Variants in KRAS observed in about 807,000 individuals in gnomAD.
KRAS encodes the protein KRas proto-oncogene, GTPase.
In KRAS, 1 loss-of-function variant was observed where a neutral mutation model predicts 21.0. The observed-to-expected ratio is 0.05, with a 90% CI of 0.02 to 0.23. The LOEUF (loss-of-function observed/expected upper bound fraction) is 0.23. Among genes scored for constraint, KRAS ranks in the 10% least tolerant of loss-of-function variants. KRAS has a pLI of 1.00. For synonymous variants in KRAS, 67 were observed against 72.5 expected (o/e 0.92, Z 0.39); for missense variants, 107 against 221.8 (o/e 0.48, Z 3.29).
intron 2 of KRAS, among the ~76,000 whole-genome samples, chr12:25,240,260 T>C (rs916012171): frequency 5.3e-5 from 8 of 152,290 alleles, no homozygotes; most frequent in African/African-American, 1.9e-4. Flanking sequence ...TGTAATGCTC[T>C]TAAGTATAAA....
chr12:25,233,450 G>A (rs1417661495), intron 2 of KRAS, among the ~76,000 whole-genome samples: 2 of 152,102 alleles, frequency 1.3e-5, no homozygotes, highest in African/African-American at 4.8e-5. Context: ...GCTATTTGGG[G>A]AGCTCAGGTG....
intron 2 of KRAS, among the ~76,000 whole-genome samples, chr12:25,231,505 G>A (rs149950520): frequency 2.2e-4 from 33 of 152,192 alleles, no homozygotes; most frequent in African/African-American, 7.9e-4. Flanking sequence ...TGTAATGTGG[G>A]ATATTAGTAG....
intron 2 of KRAS, among the ~76,000 whole-genome samples, chr12:25,228,683 A>C (rs1951425236): frequency 6.6e-6 from 1 of 152,228 alleles, no homozygotes; most frequent in African/African-American, 2.4e-5. Flanking sequence ...TTCTCAAAAC[A>C]GATAGTGCTA....
Position 25,242,726 on chromosome 12 carries a change from T to C in KRAS, c.111+2548A>G, listed in dbSNP as rs555185615. ...GTATACTTACAAATCTGAATTAGTC[T>C]CCATTAGTAAATATTTTCTTAATTT... On this transcript the variant is annotated intron_variant, in intron 2 of 4. Coordinates refer to ENST00000311936, the MANE Select transcript of KRAS (RefSeq NM_004985.5). 3.5e-4 allele frequency among the ~76,000 whole-genome samples: 54 copies of C among 152,284 alleles called. No individual in the cohort carries two copies. In the South Asian group the frequency reaches 7.0e-3, roughly 20 times the overall value.
intron 2 of KRAS, among the ~76,000 whole-genome samples, chr12:25,243,988 T>C: frequency 6.6e-6 from 1 of 152,194 alleles, no homozygotes; most frequent in South Asian, 2.1e-4. Context: ...TCTTTGCAAA[T>C]AGGCATTATT....
chr12:25,221,901 A>C (rs1007506375), intron 4 of KRAS, among the ~76,000 whole-genome samples: 7 of 152,186 alleles, frequency 4.6e-5, no homozygotes, highest in African/African-American at 1.7e-4. Context: ...CTGTAATCCC[A>C]GCACTTTGGG....
chr12:25,238,406 A>C (rs1282781197), intron 2 of KRAS, among the ~76,000 whole-genome samples: 2 of 152,214 alleles, frequency 1.3e-5, no homozygotes, highest in African/African-American at 2.4e-5. Flanking sequence ...TTCATATTTT[A>C]TATTATATAC....
rs193150345 is a variant in KRAS at position 25,215,302 on chromosome 12, T to C, written c.451-5391A>G. On this transcript the variant is annotated intron_variant, in intron 4 of 4. Transcript: ENST00000311936. ...AGATTAAAAATAAATGTACTAATTATGGAAACAAGTTTCTTATCTTTTAAT... is the reference window on the plus strand; with the variant it reads ...AGATTAAAAATAAATGTACTAATTACGGAAACAAGTTTCTTATCTTTTAAT... The C allele has an allele frequency of 3.8e-4, 519 of 1,351,926 alleles. 1 individual carries two copies. The African/African-American group carries it at 5.9e-3, about 15-fold the overall frequency. 83.7% of individuals were successfully genotyped at this position (1,351,926 alleles called of 1,614,324 possible).
At chr12:25,234,548 T>C (rs776807479) in intron 2 of KRAS, 14 of 185,978 alleles carry the variant, frequency 7.5e-5, no homozygotes, top group South Asian at 3.9e-4. Flanking sequence ...AATAATGTTA[T>C]ATAGGTTTTT....
intron 4 of KRAS, among the ~76,000 whole-genome samples, chr12:25,221,627 G>A (rs1951327361): frequency 6.6e-6 from 1 of 151,982 alleles, no homozygotes; most frequent in Non-Finnish European, 1.5e-5. Context: ...ACCACTTGTG[G>A]CCCTCAAAGC....
intron 4 of KRAS, among the ~76,000 whole-genome samples, chr12:25,222,199 AAAT>A (rs1951336303): frequency 6.6e-6 from 1 of 151,492 alleles, no homozygotes; most frequent in South Asian, 2.1e-4. Context: ...ATAAATAAAT[AAAT>A]AAGCTGAATA....
intron 4 of KRAS, chr12:25,215,561 C>G (rs2141489254): frequency 1.9e-6 from 3 of 1,609,400 alleles, no homozygotes; most frequent in Non-Finnish European, 2.6e-6. Flanking sequence ...CCTCCACTCT[C>G]TGCATTGTAA....
Position 25,226,428 on chromosome 12 carries a change from G to A in KRAS, c.291-655C>T, listed in dbSNP as rs187706769. 5.5e-3 allele frequency among the ~76,000 whole-genome samples: 832 copies of A among 152,198 alleles called. 6 individuals carry two copies. The highest frequency in any genetic ancestry group is 8.6e-3 in the Non-Finnish European group (582 of 67,998). On this transcript the variant is annotated intron_variant, in intron 3 of 4. Coordinates refer to ENST00000311936, the MANE Select transcript of KRAS (RefSeq NM_004985.5). ...AGAGTCAGAATTGGCTCAAATTCCC[G>A]GTTCCGAACACCATTAGCTGGGTAA...
intron 1 of KRAS, among the ~76,000 whole-genome samples, chr12:25,249,591 C>CAAAAAAAAAAAA (rs71065929): frequency 0.064 from 3,892 of 60,654 alleles, 1,010 homozygotes; most frequent in African/African-American, 0.17. Context: ...GACTGTGTCT[C>CAAAAAAAAAAAA]AAAAAAAAAA....
Position 25,227,210 on chromosome 12 carries a change from TTATTA to T in KRAS, c.290+19_290+23del, listed in dbSNP as rs2141509108. 6.4e-7 allele frequency: 1 copy of T among 1,552,944 alleles called. No homozygotes were observed. ...ACTATAATTACTCCTTAATGTCAGC[TTATTA>T]TATTCAATTTAAACCCACCTATAAT... On this transcript the variant is annotated intron_variant, in intron 3 of 4. Transcript: ENST00000311936.
chr12:25,229,939 T>G (rs1951444278), intron 2 of KRAS, among the ~76,000 whole-genome samples: 1 of 151,994 alleles, frequency 6.6e-6, no homozygotes, highest in Non-Finnish European at 1.5e-5. Flanking sequence ...CGGCTAATTT[T>G]TGTACTGTTT....
intron 4 of KRAS, among the ~76,000 whole-genome samples, chr12:25,210,330 T>A (rs907866396): frequency 6.6e-6 from 1 of 152,182 alleles, no homozygotes; most frequent in African/African-American, 2.4e-5. Context: ...TATGTTCATA[T>A]ATCTTCACAC....
chr12:25,222,143 C>G (rs577454751), intron 4 of KRAS, among the ~76,000 whole-genome samples: 1 of 107,016 alleles, frequency 9.3e-6, no homozygotes, highest in Non-Finnish European at 1.9e-5. Flanking sequence ...AGCAAGACTC[C>G]GTCTCAAAAA....
At chr12:25,240,583 T>C (rs563274548) in intron 2 of KRAS, among the ~76,000 whole-genome samples, 5 of 152,310 alleles carry the variant, frequency 3.3e-5, no homozygotes, top group South Asian at 4.1e-4. Flanking sequence ...TGCGCCTCAG[T>C]GTATCTCTAG....
Sources: allele counts gnomAD v4.1 joint callset (sites outside exome capture counted in the v4.1 genomes callset), GRCh38; gene constraint gnomAD v4.1.1; transcripts MANE v1.5; gene names NCBI Gene and HGNC (gene_info 2026-07-23, HGNC 2026-07-21).